Variants in MEAF6 observed in about 807,000 individuals in gnomAD.
MEAF6 encodes the protein MYST/Esa1 associated factor 6.
In MEAF6, 15 loss-of-function variants were observed where a neutral mutation model predicts 28.9. The observed-to-expected ratio is 0.52, with a 90% CI of 0.35 to 0.80. MEAF6 has a LOEUF of 0.80. MEAF6 is among the 30% of genes least tolerant of loss of function. MEAF6 has a pLI of 0.01. For missense variants in MEAF6, 178 were observed against 237.5 expected (o/e 0.75, Z 1.65); for synonymous variants, 97 against 88.7 (o/e 1.09, Z -0.53).
chr1:37,509,255 G>A (rs748693629), intron 4 of MEAF6, 23 bp downstream of exon 4: 2 of 1,608,170 alleles, frequency 1.2e-6, no homozygotes, highest in East Asian at 2.2e-5. Flanking sequence ...AAACTGATGA[G>A]AAACATAAAA....
chr1:37,493,192 A>G lies in MEAF6; in HGVS notation c.*907T>C, dbSNP rs1318837218. ...ATATGCCATGGTGATTTTTAGAGCA[A>G]TATTTAATCAGGTGAATACCAGCAA... On this transcript the variant is annotated 3_prime_UTR_variant, in exon 7 of 7. Transcript: ENST00000296214. 1.3e-5 allele frequency: 2 copies of G among 152,284 alleles called. No homozygotes were observed. Among genetic ancestry groups the G allele is most frequent in the African/African-American group, 2.4e-5 (1 of 41,462 alleles). The allele number at this position is 152,284 out of a possible 1,614,324, so 9.4% of individuals were successfully genotyped here. A position where few individuals can be genotyped will look rare whatever the true frequency, so the allele number is the denominator to read the frequency against.
chr1:37,498,096 A>C (rs1166736406), intron 5 of MEAF6, among the ~76,000 whole-genome samples: 4 of 152,216 alleles, frequency 2.6e-5, no homozygotes, highest in African/African-American at 7.2e-5. Flanking sequence ...AGACTAAAAC[A>C]ATAAGCAAAT....
chr1:37,512,124 T>A (rs533606675), intron 2 of MEAF6, among the ~76,000 whole-genome samples: 4 of 152,178 alleles, frequency 2.6e-5, no homozygotes, highest in African/African-American at 9.6e-5. Context: ...AGGAGTGGCA[T>A]GAGGAAGATC....
chr1:37,507,453 T>TA (rs34744420), intron 4 of MEAF6, among the ~76,000 whole-genome samples: 8,401 of 129,198 alleles, frequency 0.065, 277 homozygotes, highest in Non-Finnish European at 0.086. Flanking sequence ...AAGTAAGATT[T>TA]AAAAAAAAAA....
At chr1:37,499,180 G>A (rs866977044) in intron 5 of MEAF6, among the ~76,000 whole-genome samples, 8 of 152,164 alleles carry the variant, frequency 5.3e-5, no homozygotes, top group Non-Finnish European at 8.8e-5. Context: ...TATTCCTGAA[G>A]AGGGCAAATT....
intron 4 of MEAF6, among the ~76,000 whole-genome samples, chr1:37,505,278 C>T (rs754842728): frequency 4.6e-5 from 7 of 152,052 alleles, no homozygotes; most frequent in Admixed American, 1.3e-4. Context: ...AGGAAAGAGA[C>T]AGTTCCAAAA....
chr1:37,501,177 T>C (rs1642289165), intron 5 of MEAF6, among the ~76,000 whole-genome samples: 1 of 152,176 alleles, frequency 6.6e-6, no homozygotes, highest in African/African-American at 2.4e-5. Flanking sequence ...CATTCCTATC[T>C]CATTATGTAC....
In MEAF6 at chr1:37,501,861, G is replaced by GT. The variant is rs1642315478; in HGVS notation, c.475dup (p.Thr159AsnfsTer11). On this transcript the variant is annotated frameshift_variant, in exon 5 of 7. Coordinates refer to ENST00000296214, the MANE Select transcript of MEAF6 (RefSeq NM_001270875.3). LOFTEE classifies it high-confidence loss of function. ...GCTGCTGTGGTGACTCCCTGAGGAA[G>GT]TAGAAGAAGCAGCCTTCTGAGGTTT... 6.2e-7 allele frequency: 1 copy of GT among 1,607,010 alleles called. No homozygotes were observed. Among genetic ancestry groups the GT allele is most frequent in the African/African-American group, 1.3e-5 (1 of 74,852 alleles).
Position 37,501,807 on chromosome 1 carries a change from T to G in MEAF6, c.530A>C (p.His177Pro). 2 of 1,583,356 alleles carry G rather than the reference T, an allele frequency of 1.3e-6. No individual in the cohort carries two copies. The highest frequency in any genetic ancestry group is 1.7e-6 in the Non-Finnish European group (2 of 1,158,242). ...GGGTGGGATCCCTGCCACTGACCTG[T>G]GCCGGTTTTTATTCTTTCGCTTTTT... The part of the protein sequence containing the change: ...SHKKRKNKNR[H>P]RIDLKLNKKP... The change falls in exon 5 of 7, where the codon CAC (histidine) becomes CCC (proline). Residue 177 changes from histidine to proline, a missense_variant. Around this residue, in one of 2 missense-constraint regions of MEAF6, gnomAD observed 124 missense variants for 200.5 expected, o/e 0.62. Coordinates refer to ENST00000296214, the MANE Select transcript of MEAF6 (RefSeq NM_001270875.3).
At chr1:37,510,943 C>G (rs1202789613) in intron 2 of MEAF6, among the ~76,000 whole-genome samples, 1 of 152,044 alleles carries the variant, frequency 6.6e-6, no homozygotes, top group Non-Finnish European at 1.5e-5. Context: ...TAGTCTTGAA[C>G]TCCCAACCTC....
At chr1:37,506,035 G>C (rs763948529) in intron 4 of MEAF6, among the ~76,000 whole-genome samples, 1 of 152,238 alleles carries the variant, frequency 6.6e-6, no homozygotes, top group South Asian at 2.1e-4. Flanking sequence ...CACTTTGGGA[G>C]GCCAAGGTGG....
At chr1:37,503,762 A>G (rs894881536) in intron 4 of MEAF6, among the ~76,000 whole-genome samples, 20 of 151,982 alleles carry the variant, frequency 1.3e-4, no homozygotes, top group Non-Finnish European at 1.5e-5. Flanking sequence ...TCAGGAGTTC[A>G]AGACCAGCCT....
intron 5 of MEAF6, among the ~76,000 whole-genome samples, chr1:37,497,581 T>C (rs1454862772): frequency 6.7e-6 from 1 of 149,894 alleles, no homozygotes; most frequent in African/African-American, 2.5e-5. Flanking sequence ...CACCCGTATT[T>C]ATTTATTTAT....
intron 6 of MEAF6, among the ~76,000 whole-genome samples, chr1:37,494,604 G>A (rs1200812564): frequency 6.6e-6 from 1 of 151,386 alleles, no homozygotes; most frequent in African/African-American, 2.4e-5. Context: ...GCCCAGGCGG[G>A]CAGATCACTT....
chr1:37,496,825 G>C, intron 5 of MEAF6: 1 of 1,354,060 alleles, frequency 7.4e-7, no homozygotes, highest in Non-Finnish European at 9.8e-7. Context: ...AGCAAGAATT[G>C]TAGAAACAAA....
chr1:37,498,409 T>TTTATTATTA lies in MEAF6; in HGVS notation c.534-2500_534-2492dup, dbSNP rs35576307. On this transcript the variant is annotated intron_variant, in intron 5 of 6. Transcript: ENST00000296214. ...ACTTATAAGAGTAGCTATGTTATTT[T>TTTATTATTA]TTATTATTATTATTATTATTATTAT... Among the ~76,000 whole-genome samples, 603 of 122,516 alleles carry TTTATTATTA rather than the reference T, an allele frequency of 4.9e-3. 3 individuals carry two copies. Among genetic ancestry groups the TTTATTATTA allele is most frequent in the African/African-American group, 0.014 (542 of 37,746 alleles). The allele number at this position is 122,516 out of a possible 152,430, so 80.4% of individuals were successfully genotyped here. A position where few individuals can be genotyped will look rare whatever the true frequency, so the allele number is the denominator to read the frequency against.
chr1:37,501,742 T>C, intron 5 of MEAF6, 62 bp downstream of exon 5: 2 of 1,388,148 alleles, frequency 1.4e-6, no homozygotes, highest in South Asian at 3.5e-5. Flanking sequence ...GTTTTTATTC[T>C]AGGCAATTCC....
chr1:37,493,695 A>G lies in MEAF6; in HGVS notation c.*404T>C. ...ATATAAGAAAATGCCAGATATTTAC[A>G]GCCTCCATCTGAAATGTGACTTGTG... On this transcript the variant is annotated 3_prime_UTR_variant, in exon 7 of 7. Coordinates refer to ENST00000296214, the MANE Select transcript of MEAF6 (RefSeq NM_001270875.3). 9.2e-7 allele frequency: 1 copy of G among 1,086,666 alleles called. No individual in the cohort carries two copies. Among genetic ancestry groups the G allele is most frequent in the East Asian group, 2.6e-5 (1 of 38,854 alleles). 67.3% of individuals were successfully genotyped at this position (1,086,666 alleles called of 1,614,324 possible). A position where few individuals can be genotyped will look rare whatever the true frequency, so the allele number is the denominator to read the frequency against.
intron 6 of MEAF6, among the ~76,000 whole-genome samples, chr1:37,495,330 C>CAAAA (rs1009615971): frequency 8.9e-5 from 11 of 122,908 alleles, no homozygotes; most frequent in Non-Finnish European, 1.4e-4. Flanking sequence ...GACTCCGTCT[C>CAAAA]AAAAAATAAA....
Sources: allele counts gnomAD v4.1 joint callset (sites outside exome capture counted in the v4.1 genomes callset), GRCh38; gene constraint gnomAD v4.1.1; regional missense constraint gnomAD v4.1.1; transcripts MANE v1.5; gene names NCBI Gene and HGNC (gene_info 2026-07-23, HGNC 2026-07-21).